Variants in SUGCT observed in about 807,000 individuals in gnomAD.
SUGCT encodes the protein succinyl-CoA:glutarate-CoA transferase.
In SUGCT, 41 loss-of-function variants were observed where a neutral mutation model predicts 55.0. The ratio of observed to expected loss-of-function variants is 0.74; its 90% CI spans 0.58 to 0.97. The LOEUF (loss-of-function observed/expected upper bound fraction) is 0.97, where lower values mean the gene tolerates loss of function less well. SUGCT is among the 50% of genes least tolerant of loss of function. SUGCT has a pLI of 0.00. For missense variants in SUGCT, 568 were observed against 547.8 expected (o/e 1.04, Z -0.37); for synonymous variants, 187 against 200.4 (o/e 0.93, Z 0.56).
chr7:41,022,710 TA>T, the SUGCT span, among the ~76,000 whole-genome samples: 2 of 152,264 alleles, frequency 1.3e-5, no homozygotes, highest in East Asian at 3.9e-4. Context: ...GGCAAGAGTA[TA>T]AATATTGATT....
chr7:40,678,347 C>T (rs1320028957), intron 12 of SUGCT, among the ~76,000 whole-genome samples: 3 of 152,104 alleles, frequency 2.0e-5, no homozygotes, highest in Non-Finnish European at 2.9e-5. Flanking sequence ...TTTTCATGCT[C>T]CCTGTCCATG....
At chr7:40,579,221 G>A (rs1039262446) in intron 12 of SUGCT, among the ~76,000 whole-genome samples, 1 of 151,954 alleles carries the variant, frequency 6.6e-6, no homozygotes, top group Non-Finnish European at 1.5e-5. Flanking sequence ...ACCACTTGAA[G>A]ACCGCCACTG....
the SUGCT span, among the ~76,000 whole-genome samples, chr7:41,000,243 CAT>C: frequency 3.9e-5 from 6 of 152,142 alleles, no homozygotes; most frequent in South Asian, 6.2e-4. Context: ...TGCATGAACA[CAT>C]GTGCAAACAG....
At chr7:40,858,458 G>A (rs1449566291) in intron 13 of SUGCT, among the ~76,000 whole-genome samples, 1 of 147,924 alleles carries the variant, frequency 6.8e-6, no homozygotes, top group East Asian at 2.0e-4. Flanking sequence ...GACTATGATA[G>A]CTATTACTAC....
chr7:40,303,813 T>C (rs1584628836), intron 8 of SUGCT, among the ~76,000 whole-genome samples: 1 of 152,086 alleles, frequency 6.6e-6, no homozygotes, highest in Admixed American at 6.6e-5. Context: ...GATAATACAT[T>C]ATTGAATGGT....
At chr7:41,035,935 C>A in the SUGCT span, among the ~76,000 whole-genome samples, 1 of 152,190 alleles carries the variant, frequency 6.6e-6, no homozygotes, top group Admixed American at 6.5e-5. Context: ...TTTGAAGCTT[C>A]TCTGACTCCT....
At chr7:40,492,058 C>T (rs980879801) in intron 11 of SUGCT, among the ~76,000 whole-genome samples, 2 of 151,814 alleles carry the variant, frequency 1.3e-5, no homozygotes, top group African/African-American at 4.8e-5. Context: ...CACAAGAACT[C>T]CAGGTAGAAT....
At chr7:40,375,123 G>T (rs1784480775) in intron 9 of SUGCT, among the ~76,000 whole-genome samples, 1 of 152,198 alleles carries the variant, frequency 6.6e-6, no homozygotes, top group Non-Finnish European at 1.5e-5. Flanking sequence ...AAAGCTACGT[G>T]TTCTGAGCTG....
chr7:40,144,085 G>C (rs1426572130), intron 1 of SUGCT, among the ~76,000 whole-genome samples: 1 of 152,158 alleles, frequency 6.6e-6, no homozygotes, highest in Admixed American at 6.5e-5. Context: ...CTCTACACTG[G>C]GGGGCAAGAC....
intron 9 of SUGCT, among the ~76,000 whole-genome samples, chr7:40,400,561 T>G (rs1412333555): frequency 6.6e-6 from 1 of 152,232 alleles, no homozygotes; most frequent in Non-Finnish European, 1.5e-5. Flanking sequence ...GCATATATCT[T>G]CATGAGAGCC....
chr7:40,366,846 A>C (rs1461223681), intron 9 of SUGCT, among the ~76,000 whole-genome samples: 1 of 152,152 alleles, frequency 6.6e-6, no homozygotes, highest in East Asian at 1.9e-4. Context: ...CCATTGTGGA[A>C]GTCAGTGTGG....
intron 12 of SUGCT, among the ~76,000 whole-genome samples, chr7:40,509,303 G>T (rs1792793921): frequency 6.6e-6 from 1 of 151,924 alleles, no homozygotes; most frequent in South Asian, 2.1e-4. Flanking sequence ...AAAATACTAT[G>T]ACTTTCATTA....
chr7:40,135,042 G>T lies in SUGCT; in HGVS notation c.22G>T (p.Val8Leu), dbSNP rs1011329251. ...CGCGATGCTGGCGACGCTGGCGAGG[G>T]TGGCAGCTCTGCGCAGAACCTGCCT... MLATLAR[V>L]AALRRTCLFS... Residue 8 changes from valine to leucine, a missense_variant, in exon 1 of 14, where the codon GTG becomes TTG. Physicochemically the swap from Val to Leu is conservative, Grantham distance 32. Coordinates refer to ENST00000335693, the MANE Select transcript of SUGCT (RefSeq NM_001193313.2). The T allele has an allele frequency of 5.1e-6, 8 of 1,562,594 alleles. No individual in the cohort carries two copies. The highest frequency in any genetic ancestry group is 1.4e-5 in the African/African-American group (1 of 73,018).
Position 40,724,170 on chromosome 7 carries a change from C to T in SUGCT, c.1090-25264C>T, listed in dbSNP as rs561609230. On this transcript the variant is annotated intron_variant, in intron 12 of 13. Coordinates refer to ENST00000335693, the MANE Select transcript of SUGCT (RefSeq NM_001193313.2). Reference sequence around the variant, plus strand: ...TGATTGCCTATACTGTTCCCTTAATCGGAGAAAATAAAACATACAAGAGGA... The same window carrying T: ...TGATTGCCTATACTGTTCCCTTAATTGGAGAAAATAAAACATACAAGAGGA... 1.8e-3 allele frequency among the ~76,000 whole-genome samples: 268 copies of T among 152,242 alleles called. 1 individual carries two copies. The highest frequency in any genetic ancestry group is 3.2e-3 in the Non-Finnish European group (216 of 68,016).
Position 40,292,318 on chromosome 7 carries a change from C to T in SUGCT, c.720+17662C>T, listed in dbSNP as rs1329835019. Among the ~76,000 whole-genome samples, 6 of 151,912 alleles carry T rather than the reference C, an allele frequency of 3.9e-5. No individual in the cohort carries two copies. In the East Asian group the frequency reaches 9.7e-4, roughly 24 times the overall value. ...ACAATTGTAAGAAATTTCAGCCTTG[C>T]TCTAGAGTCTGTATTTTTTAAAGTT... On this transcript the variant is annotated intron_variant, in intron 8 of 13. Transcript: ENST00000335693.
the SUGCT span, among the ~76,000 whole-genome samples, chr7:40,893,093 TATA>T: frequency 4.1e-3 from 629 of 152,292 alleles, 5 homozygotes; most frequent in African/African-American, 0.014. Flanking sequence ...AAGGTCGCTA[TATA>T]ATGATAAAAA....
intron 12 of SUGCT, among the ~76,000 whole-genome samples, chr7:40,691,264 G>C (rs1174679910): frequency 1.3e-5 from 2 of 152,038 alleles, no homozygotes; most frequent in Non-Finnish European, 2.9e-5. Flanking sequence ...GTGTATATGA[G>C]ACTGTGTAGA....
the SUGCT span, among the ~76,000 whole-genome samples, chr7:40,892,187 C>T: frequency 4.6e-5 from 7 of 152,004 alleles, no homozygotes; most frequent in South Asian, 4.2e-4. Flanking sequence ...ATATAAAAGG[C>T]GTAAATTTTG....
chr7:40,229,937 AT>A (rs2150855120), intron 6 of SUGCT, among the ~76,000 whole-genome samples: 1 of 152,328 alleles, frequency 6.6e-6, no homozygotes, highest in South Asian at 2.1e-4. Context: ...ATTTTGAAGA[AT>A]TACATTACTT....
Sources: allele counts gnomAD v4.1 joint callset (sites outside exome capture counted in the v4.1 genomes callset), GRCh38; gene constraint gnomAD v4.1.1; transcripts MANE v1.5; gene names NCBI Gene and HGNC (gene_info 2026-07-23, HGNC 2026-07-21).